UNC5C: variants seen among roughly 807,000 people sequenced by gnomAD.
The protein encoded by UNC5C is unc-5 netrin receptor C, also known as netrin receptor UNC5C.
UNC5C carries 47 observed loss-of-function variants against 99.8 expected under a neutral mutation model. That is an observed-to-expected ratio of 0.47 (90% CI 0.37 to 0.60). The LOEUF (loss-of-function observed/expected upper bound fraction) is 0.60, where lower values mean the gene tolerates loss of function less well. UNC5C is among the 20% of genes least tolerant of loss of function. The pLI, the probability that UNC5C is intolerant of heterozygous loss-of-function variation, is 0.00. For missense variants in UNC5C, 1,062 were observed against 1,165.9 expected (o/e 0.91, Z 1.30); for synonymous variants, 487 against 452.2 (o/e 1.08, Z -0.98).
intron 7 of UNC5C, among the ~76,000 whole-genome samples, chr4:95,238,982 A>G (rs1739229017): frequency 6.6e-6 from 1 of 152,168 alleles, no homozygotes; most frequent in Non-Finnish European, 1.5e-5. Context: ...GTCTTTTTAC[A>G]TCTACTTTAC....
At position 95,183,000 on chromosome 4, in the gene UNC5C, A is replaced by C; in HGVS notation, c.2348T>G (p.Leu783Arg). Residue 783 changes from leucine (L) to arginine (R), a missense_variant, in exon 14 of 16, where the codon CTG becomes CGG. By Grantham distance (102) the Leu-to-Arg change is moderately radical. Coordinates refer to ENST00000453304, the MANE Select transcript of UNC5C (RefSeq NM_003728.4). ...SQRNLHCTFT[L>R]ERFSLNTVEL... is the part of the protein sequence containing the mutation. The stretch of plus-strand genomic sequence containing the variant: ...CACTGTGTTCAGGCTAAATCTTTCC[A>C]GAGTGAAGGTGCAGTGCAGGTTTCT... The C allele has an allele frequency of 6.2e-7, 1 of 1,613,478 alleles. No individual in the cohort carries two copies. Among genetic ancestry groups the C allele is most frequent in the Non-Finnish European group, 8.5e-7 (1 of 1,179,522 alleles).
At position 95,372,996 on chromosome 4, in the gene UNC5C, C is replaced by T. The variant is rs372310924; in HGVS notation, c.125-37365G>A. 3.7e-4 allele frequency among the ~76,000 whole-genome samples: 56 copies of T among 152,252 alleles called. No individual in the cohort carries two copies. The Middle Eastern group carries it at 0.01, about 28-fold the overall frequency. Reference sequence around the variant, plus strand: ...CAGATTCTGCCAGCACTCCTTGAAGCTAGGATTAAGTTCTGATTTCCTAAA... The same window carrying T: ...CAGATTCTGCCAGCACTCCTTGAAGTTAGGATTAAGTTCTGATTTCCTAAA... On this transcript the variant is annotated intron_variant, in intron 1 of 15. Transcript: ENST00000453304.
At chr4:95,251,955 T>C (rs1415014213) in intron 4 of UNC5C, among the ~76,000 whole-genome samples, 1 of 152,214 alleles carries the variant, frequency 6.6e-6, no homozygotes, top group East Asian at 1.9e-4. Context: ...TTTGTAATGA[T>C]GTAAATGCTG....
chr4:95,178,882 A>ATCATT (rs1481917480), intron 14 of UNC5C, among the ~76,000 whole-genome samples: 8 of 152,016 alleles, frequency 5.3e-5, no homozygotes, highest in African/African-American at 1.9e-4. Context: ...TCAATAGGGC[A>ATCATT]TCATTTCTTT....
chr4:95,493,873 A>G (rs1721567059), intron 1 of UNC5C, among the ~76,000 whole-genome samples: 1 of 151,504 alleles, frequency 6.6e-6, no homozygotes, highest in Non-Finnish European at 1.5e-5. Flanking sequence ...CTGAAGGCAA[A>G]TGATAGATAG....
At chr4:95,456,135 C>G (rs942561516) in intron 1 of UNC5C, among the ~76,000 whole-genome samples, 1 of 151,994 alleles carries the variant, frequency 6.6e-6, no homozygotes, top group African/African-American at 2.4e-5. Flanking sequence ...TCAATTGTAT[C>G]TTTCGTGTGT....
At chr4:95,463,262 T>A (rs1747662039) in intron 1 of UNC5C, among the ~76,000 whole-genome samples, 1 of 152,122 alleles carries the variant, frequency 6.6e-6, no homozygotes, top group African/African-American at 2.4e-5. Flanking sequence ...GCTGAATATG[T>A]GGACACATCC....
intron 7 of UNC5C, among the ~76,000 whole-genome samples, chr4:95,226,519 A>G (rs990375820): frequency 6.6e-6 from 1 of 152,188 alleles, no homozygotes; most frequent in African/African-American, 2.4e-5. Flanking sequence ...TGTAGAGTCA[A>G]CATAGCCTAT....
intron 1 of UNC5C, among the ~76,000 whole-genome samples, chr4:95,486,709 T>G (rs1009001164): frequency 9.9e-5 from 15 of 151,568 alleles, no homozygotes; most frequent in African/African-American, 3.6e-4. Context: ...CAGAAAAACA[T>G]CCTGAATCCC....
intron 1 of UNC5C, among the ~76,000 whole-genome samples, chr4:95,533,884 A>G (rs1198454015): frequency 6.6e-6 from 1 of 152,196 alleles, no homozygotes; most frequent in African/African-American, 2.4e-5. Flanking sequence ...CCTCCCTGGA[A>G]ATCTTCAAAT....
intron 9 of UNC5C, among the ~76,000 whole-genome samples, chr4:95,217,253 G>C (rs935988093): frequency 1.3e-5 from 2 of 152,190 alleles, no homozygotes. Flanking sequence ...ATGAAAACTT[G>C]CCTGACCACA....
chr4:95,255,435 A>G (rs1000566795), intron 4 of UNC5C, among the ~76,000 whole-genome samples: 1 of 151,942 alleles, frequency 6.6e-6, no homozygotes, highest in South Asian at 2.1e-4. Context: ...CTAGATAACT[A>G]TTTCACACTC....
intron 1 of UNC5C, among the ~76,000 whole-genome samples, chr4:95,380,158 T>G (rs964944266): frequency 8.5e-5 from 13 of 152,206 alleles, no homozygotes; most frequent in Non-Finnish European, 1.9e-4. Flanking sequence ...TCAATCATAT[T>G]TTGTCCCATT....
chr4:95,269,556 G>A (rs944458223), intron 4 of UNC5C, among the ~76,000 whole-genome samples: 3 of 151,962 alleles, frequency 2.0e-5, no homozygotes, highest in Non-Finnish European at 4.4e-5. Flanking sequence ...CCAAACTGCT[G>A]AGATTACAGT....
At chr4:95,216,054 G>GT in intron 10 of UNC5C, 70 bp downstream of exon 10, 1 of 1,315,186 alleles carries the variant, frequency 7.6e-7, no homozygotes, top group Non-Finnish European at 1.1e-6. Flanking sequence ...TGGGTTTATT[G>GT]TGTCTATTGT....
At chr4:95,389,407 T>C (rs192821078) in intron 1 of UNC5C, among the ~76,000 whole-genome samples, 10 of 152,314 alleles carry the variant, frequency 6.6e-5, no homozygotes, top group African/African-American at 1.9e-4. Flanking sequence ...ATAAAATAGA[T>C]GGATAGATGA....
At chr4:95,496,827 C>G (rs1405205252) in intron 1 of UNC5C, among the ~76,000 whole-genome samples, 1 of 151,696 alleles carries the variant, frequency 6.6e-6, no homozygotes, top group African/African-American at 2.4e-5. Flanking sequence ...GTTTTTATCC[C>G]TCACCCTCTC....
intron 1 of UNC5C, among the ~76,000 whole-genome samples, chr4:95,494,388 T>C (rs1429466670): frequency 6.6e-6 from 1 of 151,500 alleles, no homozygotes; most frequent in African/African-American, 2.4e-5. Flanking sequence ...AAAAAGTTAG[T>C]GCTGATGAAA....
chr4:95,234,662 G>A (rs567092093), intron 7 of UNC5C, among the ~76,000 whole-genome samples: 4 of 152,216 alleles, frequency 2.6e-5, no homozygotes, highest in African/African-American at 7.2e-5. Flanking sequence ...CTTTAGTAAT[G>A]CATTCTGGTG....
Sources: allele counts gnomAD v4.1 joint callset (sites outside exome capture counted in the v4.1 genomes callset), GRCh38; gene constraint gnomAD v4.1.1; transcripts MANE v1.5; gene names NCBI Gene and HGNC (gene_info 2026-07-23, HGNC 2026-07-21).